EFL1: variants seen among roughly 807,000 people sequenced by gnomAD.
EFL1 encodes elongation factor-like GTPase 1.
A neutral mutation model predicts 126.7 loss-of-function variants in EFL1; 76 were observed. The ratio of observed to expected loss-of-function variants is 0.60; its 90% CI spans 0.50 to 0.73. The LOEUF is 0.73. EFL1 is among the 30% of genes least tolerant of loss of function. The pLI is 0.00. For synonymous variants in EFL1, 410 were observed against 448.4 expected (o/e 0.91, Z 1.08); for missense variants, 1,128 against 1,343.2 (o/e 0.84, Z 2.50).
At chr15:82,174,192 A>G (rs888971199) in intron 15 of EFL1, 1 of 116,666 alleles carries the variant, frequency 8.6e-6, no homozygotes, top group Non-Finnish European at 1.7e-5. Flanking sequence ...CCTCTCAAAA[A>G]AGGAAAAAAA....
At position 82,240,524 on chromosome 15, in the gene EFL1, T is replaced by C. The variant is rs2074920406; in HGVS notation, c.410A>G (p.Glu137Gly). ...TQAVLRQAWL[E>G]NIRPVLVINK... ...AATCACTAAAACCGGACGGATGTTTTCAAGCCAAGCTTGTCGCAGAACTGC... is the reference window on the plus strand; with the variant it reads ...AATCACTAAAACCGGACGGATGTTTCCAAGCCAAGCTTGTCGCAGAACTGC... The change falls in exon 6 of 20, where the codon GAA (glutamate) becomes GGA (glycine). Residue 137 changes from glutamate (E) to glycine (G), a missense_variant. Glu to Gly is a moderately conservative substitution (Grantham distance 98, BLOSUM62 -2). This residue lies in a region of EFL1 where 118 missense variants were observed against 188.1 expected (regional missense o/e 0.63). Coordinates refer to ENST00000268206, the MANE Select transcript of EFL1 (RefSeq NM_024580.6). 6.2e-7 allele frequency: 1 copy of C among 1,614,084 alleles called. No individual in the cohort carries two copies. Among genetic ancestry groups the C allele is most frequent in the East Asian group, 2.2e-5 (1 of 44,882 alleles).
At position 82,241,325 on chromosome 15, in the gene EFL1, C is replaced by G. The variant is rs763330531; in HGVS notation, c.323G>C (p.Arg108Pro). The G allele has an allele frequency of 6.2e-7, 1 of 1,613,950 alleles. No homozygotes were observed. The highest frequency in any genetic ancestry group is 2.2e-5 in the East Asian group (1 of 44,886). Residue 108 changes from arginine to proline, a missense_variant, in exon 5 of 20, where the codon CGC (arginine) becomes CCC (proline). Coordinates refer to ENST00000268206, the MANE Select transcript of EFL1 (RefSeq NM_024580.6). ...DFSSEVSTAV[R>P]ICDGCIIVVD... The stretch of plus-strand genomic sequence containing the variant: ...CACAATGATGCATCCATCACAAATG[C>G]GAACAGCGGTTGATACTTCTGAGGA...
rs1035072365 is a variant in EFL1, at chr15:82,241,170, A to G, written c.378+100T>C. Reference sequence around the variant, plus strand: ...GAACGTTACCAAATGTGAAATATAAAACCAATGTTGTGATTGTCAGTGAAA... The same window carrying G: ...GAACGTTACCAAATGTGAAATATAAGACCAATGTTGTGATTGTCAGTGAAA... On this transcript the variant is annotated intron_variant, in intron 5 of 19. Coordinates refer to ENST00000268206, the MANE Select transcript of EFL1 (RefSeq NM_024580.6). 45 of 1,403,014 alleles carry G rather than the reference A, an allele frequency of 3.2e-5. No homozygotes were observed. In the Admixed American group the frequency reaches 8.1e-4, roughly 25 times the overall value. The allele number at this position is 1,403,014 out of a possible 1,614,324, so 86.9% of individuals were successfully genotyped here.
intron 12 of EFL1, among the ~76,000 whole-genome samples, chr15:82,224,766 C>G (rs1486253379): frequency 1.3e-5 from 2 of 152,180 alleles, no homozygotes; most frequent in Admixed American, 1.3e-4. Context: ...CCTATCACAC[C>G]TGTGCACACA....
At chr15:82,214,415 G>A (rs1051850854) in intron 15 of EFL1, among the ~76,000 whole-genome samples, 2 of 152,172 alleles carry the variant, frequency 1.3e-5, no homozygotes, top group Non-Finnish European at 1.5e-5. Context: ...TAGTCATCTA[G>A]ATTGACTTTA....
chr15:82,205,031 GT>G (rs2074509873), intron 15 of EFL1, among the ~76,000 whole-genome samples: 1 of 152,214 alleles, frequency 6.6e-6, no homozygotes, highest in African/African-American at 2.4e-5. Context: ...TATCAGCTGA[GT>G]TTGCAGGAGG....
chr15:82,142,302 G>A (rs546932728), intron 18 of EFL1, among the ~76,000 whole-genome samples: 19 of 152,214 alleles, frequency 1.2e-4, no homozygotes, highest in South Asian at 4.2e-4. Flanking sequence ...ACCAGCCTAG[G>A]TAACAAAACA....
At chr15:82,193,141 T>A (rs1407228430) in intron 15 of EFL1, among the ~76,000 whole-genome samples, 2 of 152,192 alleles carry the variant, frequency 1.3e-5, no homozygotes, top group African/African-American at 4.8e-5. Flanking sequence ...AAATTCAAAT[T>A]TTGTATTTTT....
chr15:82,147,764 A>G (rs2073864309), intron 18 of EFL1, among the ~76,000 whole-genome samples: 1 of 152,194 alleles, frequency 6.6e-6, no homozygotes, highest in African/African-American at 2.4e-5. Flanking sequence ...ATGAGAGTCT[A>G]AAAGAAATCA....
At chr15:82,132,295 G>A (rs985102085) in intron 19 of EFL1, among the ~76,000 whole-genome samples, 1 of 152,164 alleles carries the variant, frequency 6.6e-6, no homozygotes, top group African/African-American at 2.4e-5. Context: ...TCAGACCAAC[G>A]AGACGCTTCG....
chr15:82,159,326 G>C (rs1365766770), intron 16 of EFL1, among the ~76,000 whole-genome samples: 1 of 152,088 alleles, frequency 6.6e-6, no homozygotes, highest in African/African-American at 2.4e-5. Flanking sequence ...AAAGCTTTTT[G>C]TCAGCTCTCC....
intron 16 of EFL1, among the ~76,000 whole-genome samples, chr15:82,163,263 C>T (rs1000887397): frequency 2.0e-5 from 3 of 152,144 alleles, no homozygotes; most frequent in Non-Finnish European, 4.4e-5. Flanking sequence ...GAAATTTGGC[C>T]GGGCACTTTA....
intron 15 of EFL1, among the ~76,000 whole-genome samples, chr15:82,183,197 T>C (rs1261987616): frequency 6.6e-6 from 1 of 152,232 alleles, no homozygotes; most frequent in Non-Finnish European, 1.5e-5. Context: ...GTCTCAAATG[T>C]AGGGAGAAAG....
chr15:82,249,255 T>C lies in EFL1; in HGVS notation c.244+3436A>G, dbSNP rs1389456645. 1.8e-4 allele frequency among the ~76,000 whole-genome samples: 27 copies of C among 151,774 alleles called. 1 individual carries two copies. The highest frequency in any genetic ancestry group is 1.6e-3 in the Admixed American group (24 of 15,234). The stretch of plus-strand genomic sequence containing the variant: ...GAGGTTGAGACCAGTCTGGGCAACA[T>C]AGCAACATCCCATCGCTACAAAACA... On this transcript the variant is annotated intron_variant, in intron 4 of 19. Coordinates refer to ENST00000268206, the MANE Select transcript of EFL1 (RefSeq NM_024580.6).
At chr15:82,212,795 T>TAGG (rs2074603813) in intron 15 of EFL1, among the ~76,000 whole-genome samples, 2 of 152,296 alleles carry the variant, frequency 1.3e-5, no homozygotes, top group African/African-American at 4.8e-5. Context: ...ATCCCAGGGC[T>TAGG]CCCTGGCAGC....
At chr15:82,159,447 A>G (rs2074000234) in intron 16 of EFL1, among the ~76,000 whole-genome samples, 1 of 152,138 alleles carries the variant, frequency 6.6e-6, no homozygotes, top group Non-Finnish European at 1.5e-5. Context: ...GGTAAAATAA[A>G]GGTAACAGTT....
intron 6 of EFL1, among the ~76,000 whole-genome samples, chr15:82,239,134 C>T (rs1008335905): frequency 6.6e-6 from 1 of 152,040 alleles, no homozygotes; most frequent in African/African-American, 2.4e-5. Flanking sequence ...TTTACCTGTT[C>T]CTAATTTTTT....
chr15:82,169,064 C>T (rs1299509874), intron 15 of EFL1, among the ~76,000 whole-genome samples: 1 of 152,034 alleles, frequency 6.6e-6, no homozygotes, highest in African/African-American at 2.4e-5. Flanking sequence ...TACCATCATT[C>T]AATTAAGAAC....
intron 18 of EFL1, among the ~76,000 whole-genome samples, chr15:82,148,637 C>A (rs114357868): frequency 6.6e-6 from 1 of 152,104 alleles, no homozygotes; most frequent in East Asian, 1.9e-4. Flanking sequence ...CTGAAGTTCA[C>A]GGTAGCTCAG....
Sources: gnomAD v4.1 joint callset for allele counts (sites outside exome capture counted in the v4.1 genomes callset) on GRCh38, gnomAD v4.1.1 for gene constraint, gnomAD v4.1.1 regional missense constraint, MANE v1.5 for transcripts, NCBI Gene and HGNC (gene_info 2026-07-23, HGNC 2026-07-21) for gene names.